The following SDCBP2 variants were observed in gnomAD, a reference collection of about 807,000 sequenced individuals.
SDCBP2 encodes the protein syndecan binding protein 2.
In SDCBP2, 28 loss-of-function variants were observed where a neutral mutation model predicts 30.7. The ratio of observed to expected loss-of-function variants is 0.91; its 90% CI spans 0.68 to 1.25. The LOEUF (loss-of-function observed/expected upper bound fraction) is 1.25, where lower values mean the gene tolerates loss of function less well. SDCBP2 is among the 50% of genes most tolerant of loss of function. SDCBP2 has a pLI of 0.00. For synonymous variants in SDCBP2, 166 were observed against 157.3 expected (o/e 1.06, Z -0.41); for missense variants, 399 against 379.0 (o/e 1.05, Z -0.44).
chr20:1,312,743 A>C lies in SDCBP2; in HGVS notation c.404T>G (p.Val135Gly). 1.2e-6 allele frequency: 2 copies of C among 1,612,972 alleles called. No individual in the cohort carries two copies. Among genetic ancestry groups the C allele is most frequent in the Non-Finnish European group, 1.7e-6 (2 of 1,179,634 alleles). ...AAGGGATGCAGGGGTGTTGGCCTGGACCAACTGCACAAAGAGCCCCTGGGG... is the reference window on the plus strand; with the variant it reads ...AAGGGATGCAGGGGTGTTGGCCTGGCCCAACTGCACAAAGAGCCCCTGGGG... ...KVDQGLFVQLVQANTPASLVG... is the reference protein window; with the variant it reads ...KVDQGLFVQLGQANTPASLVG... The change falls in exon 6 of 9, where the codon GTC becomes GGC. Residue 135 changes from valine to glycine, a missense_variant. Val to Gly is a moderately radical substitution (Grantham distance 109, BLOSUM62 -3). Coordinates refer to ENST00000360779, the MANE Select transcript of SDCBP2 (RefSeq NM_080489.5).
At chr20:1,314,642 C>T (rs2088749297) in intron 4 of SDCBP2, among the ~76,000 whole-genome samples, 1 of 149,050 alleles carries the variant, frequency 6.7e-6, no homozygotes, top group East Asian at 2.0e-4. Flanking sequence ...CCTGTAATCC[C>T]AGCATTTTGG....
intron 7 of SDCBP2, chr20:1,311,137 C>T: frequency 4.5e-6 from 2 of 445,186 alleles, no homozygotes; most frequent in Non-Finnish European, 4.0e-6. Context: ...ATGAGCATGC[C>T]TCTTCCCACC....
Position 1,310,882 on chromosome 20 carries a change from T to C in SDCBP2, c.742A>G (p.Ile248Val), listed in dbSNP as rs760254645. Residue 248 changes from isoleucine (I) to valine (V), a missense_variant, in exon 8 of 9, where the codon ATC becomes GTC. Physicochemically the swap from Ile to Val is conservative, Grantham distance 29. Transcript: ENST00000360779. ...CCAGCCGTGGCCAGAATCTCCATGA[T>C]CTTTTTGTCCTAGGGAGGAGGCAAG... ...QNVIGLKDKK[I>V]MEILATAGNV... The C allele has an allele frequency of 9.3e-6, 15 of 1,613,762 alleles. No homozygotes were observed. In the Admixed American group the frequency reaches 2.2e-4, roughly 23 times the overall value.
chr20:1,327,059 G>A (rs1188092800), intron 1 of SDCBP2, among the ~76,000 whole-genome samples: 1 of 152,184 alleles, frequency 6.6e-6, no homozygotes. Flanking sequence ...TCTGACAGTG[G>A]AAGTTTGCTC....
Position 1,313,633 on chromosome 20 carries a change from T to C in SDCBP2, c.226-135A>G. The C allele has an allele frequency of 7.1e-7, 1 of 1,415,606 alleles. No homozygotes were observed. Among genetic ancestry groups the C allele is most frequent in the Non-Finnish European group, 9.2e-7 (1 of 1,087,724 alleles). The allele number at this position is 1,415,606 out of a possible 1,614,324, so 87.7% of individuals were successfully genotyped here. A position where few individuals can be genotyped will look rare whatever the true frequency, so the allele number is the denominator to read the frequency against. ...GTCCCCCCACGTCCCCAGTCCACGCTTCTCCCCTAGGGGCGAGAGGAGACG... is the reference window on the plus strand; with the variant it reads ...GTCCCCCCACGTCCCCAGTCCACGCCTCTCCCCTAGGGGCGAGAGGAGACG... On this transcript the variant is annotated intron_variant, in intron 4 of 8. Coordinates refer to ENST00000360779, the MANE Select transcript of SDCBP2 (RefSeq NM_080489.5). The surrounding 1 kb of genome is among the most constrained non-coding windows in gnomAD (Gnocchi z 5.2).
intron 4 of SDCBP2, among the ~76,000 whole-genome samples, chr20:1,316,916 G>T (rs2088786006): frequency 6.6e-6 from 1 of 152,170 alleles, no homozygotes; most frequent in Non-Finnish European, 1.5e-5. Context: ...AAGAAGGAAT[G>T]AACTATTATT....
rs1298637493 is a variant in SDCBP2 at position 1,310,902 on chromosome 20, G to A, written c.733-11C>T. ...CATGATCTTTTTGTCCTAGGGAGGAGGCAAGTAAGCGATCACCCTAAGGAT... is the reference window on the plus strand; with the variant it reads ...CATGATCTTTTTGTCCTAGGGAGGAAGCAAGTAAGCGATCACCCTAAGGAT... On this transcript the variant is annotated splice_polypyrimidine_tract_variant and intron_variant, in intron 7 of 8. Transcript: ENST00000360779. 6.2e-7 allele frequency: 1 copy of A among 1,608,494 alleles called. No individual in the cohort carries two copies. The highest frequency in any genetic ancestry group is 8.5e-7 in the Non-Finnish European group (1 of 1,175,396).
At position 1,313,410 on chromosome 20, in the gene SDCBP2, C is replaced by G. The variant is rs148177644; in HGVS notation, c.314G>C (p.Gly105Ala). 169 of 1,608,284 alleles carry G rather than the reference C, an allele frequency of 1.1e-4. No homozygotes were observed. In the Admixed American group the frequency reaches 1.5e-3, roughly 15 times the overall value. Residue 105 changes from glycine (G) to alanine (A), a missense_variant, in exon 5 of 9, where the codon GGG becomes GCG. Coordinates refer to ENST00000360779, the MANE Select transcript of SDCBP2 (RefSeq NM_080489.5). This position sits in a 1 kb window ranked among gnomAD's most constrained non-coding sequence, Gnocchi z 5.2. ...CTTGCACAGGTGGATCTCGCGCACCCCGGGCTTGATCTCAGCTCGCCGCAC... is the reference window on the plus strand; with the variant it reads ...CTTGCACAGGTGGATCTCGCGCACCGCGGGCTTGATCTCAGCTCGCCGCAC... ...LGVRRAEIKP[G>A]VREIHLCKDE...
chr20:1,318,814 C>T (rs1403622794), intron 3 of SDCBP2, among the ~76,000 whole-genome samples: 1 of 152,084 alleles, frequency 6.6e-6, no homozygotes, highest in African/African-American at 2.4e-5. Context: ...CTCGTGTTCT[C>T]GTTTTCTCTC....
chr20:1,312,689 AG>A lies in SDCBP2; in HGVS notation c.457del (p.Leu153CysfsTer20). 1.2e-6 allele frequency: 2 copies of A among 1,614,122 alleles called. No homozygotes were observed. The highest frequency in any genetic ancestry group is 1.1e-5 in the South Asian group (1 of 91,084). On this transcript the variant is annotated frameshift_variant, in exon 6 of 9. Coordinates refer to ENST00000360779, the MANE Select transcript of SDCBP2 (RefSeq NM_080489.5). LOFTEE classifies it high-confidence loss of function. ...LVGLRFGDQL[L>X]QIDGRDCAGW... is the part of the protein sequence containing the mutation. ...AGCACAGTCACGCCCGTCAATCTGC[AG>A]GAGCTGGTCCCCAAAGCGCAGCCCC...
intron 3 of SDCBP2, 146 bp downstream of exon 3, chr20:1,319,444 G>A (rs902590582): frequency 1.2e-6 from 1 of 837,698 alleles, no homozygotes; most frequent in African/African-American, 1.7e-5. Flanking sequence ...GAGGTGGGTG[G>A]CAACTGGAAG....
rs991528232 is a variant in SDCBP2 at position 1,320,999 on chromosome 20, C to G, written c.-19-564G>C. 6.6e-5 allele frequency: 10 copies of G among 152,466 alleles called. No homozygotes were observed. The highest frequency in any genetic ancestry group is 2.4e-4 in the African/African-American group (10 of 41,440). The allele number at this position is 152,466 out of a possible 1,614,324, so 9.4% of individuals were successfully genotyped here. ...GTCACACCTCCAGGCTTCGCTGAGG[C>G]AGTCCACTCCAACTGGAGCCCCTGC... On this transcript the variant is annotated intron_variant, in intron 1 of 8. Coordinates refer to ENST00000360779, the MANE Select transcript of SDCBP2 (RefSeq NM_080489.5). The surrounding 1 kb of genome is among the most constrained non-coding windows in gnomAD (Gnocchi z 4.7).
In SDCBP2 at chr20:1,322,434, T is replaced by C. The variant is rs560144533; in HGVS notation, c.-19-1999A>G. ...CCTAGCATGGAGGCTAGCTCAATAA[T>C]ATTGCCAGAAGCAACACATTCTACC... On this transcript the variant is annotated intron_variant, in intron 1 of 8. Transcript: ENST00000360779. 3 of 152,338 alleles carry C rather than the reference T, an allele frequency of 2.0e-5. No individual in the cohort carries two copies. The East Asian group carries it at 5.8e-4, about 29-fold the overall frequency. The allele number at this position is 152,338 out of a possible 1,614,324, so 9.4% of individuals were successfully genotyped here. A position where few individuals can be genotyped will look rare whatever the true frequency, so the allele number is the denominator to read the frequency against.
intron 4 of SDCBP2, chr20:1,317,777 A>G: frequency 4.2e-6 from 1 of 239,624 alleles, no homozygotes; most frequent in Non-Finnish European, 8.3e-6. Flanking sequence ...GCCTGGCAGG[A>G]AGACTGACAG....
At position 1,321,969 on chromosome 20, in the gene SDCBP2, AC is replaced by A. The variant is rs2088855789; in HGVS notation, c.-19-1535del. 6.6e-6 allele frequency: 1 copy of A among 152,202 alleles called. No homozygotes were observed. The highest frequency in any genetic ancestry group is 2.4e-5 in the African/African-American group (1 of 41,442). The allele number at this position is 152,202 out of a possible 1,614,324, so 9.4% of individuals were successfully genotyped here. A position where few individuals can be genotyped will look rare whatever the true frequency, so the allele number is the denominator to read the frequency against. Reference sequence around the variant, plus strand: ...AGTCCACCATCCTCTATTGGCTGTTACACCCAGACCATTGTACTCACTGGTG... The same window carrying A: ...AGTCCACCATCCTCTATTGGCTGTTAACCCAGACCATTGTACTCACTGGTG... On this transcript the variant is annotated intron_variant, in intron 1 of 8. Transcript: ENST00000360779. The surrounding 1 kb of genome is among the most constrained non-coding windows in gnomAD (Gnocchi z 5.2).
chr20:1,312,759 G>C lies in SDCBP2; in HGVS notation c.388C>G (p.Leu130Val). The change falls in exon 6 of 9, where the codon CTC (leucine) becomes GTC (valine). Residue 130 changes from leucine to valine, a missense_variant. Leu to Val is a conservative substitution (Grantham distance 32, BLOSUM62 1). Coordinates refer to ENST00000360779, the MANE Select transcript of SDCBP2 (RefSeq NM_080489.5). ...TTGGCCTGGACCAACTGCACAAAGAGCCCCTGGGGGAGGCAGGGCCCCAGA... is the reference window on the plus strand; with the variant it reads ...TTGGCCTGGACCAACTGCACAAAGACCCCCTGGGGGAGGCAGGGCCCCAGA... Reference protein sequence around the residue: ...GLRLRKVDQGLFVQLVQANTP... With the variant: ...GLRLRKVDQGVFVQLVQANTP... 6.2e-7 allele frequency: 1 copy of C among 1,609,426 alleles called. No individual in the cohort carries two copies. Among genetic ancestry groups the C allele is most frequent in the Non-Finnish European group, 8.5e-7 (1 of 1,177,680 alleles).
chr20:1,317,137 G>T (rs1229373436), intron 4 of SDCBP2, among the ~76,000 whole-genome samples: 1 of 152,170 alleles, frequency 6.6e-6, no homozygotes, highest in Non-Finnish European at 1.5e-5. Context: ...GGAGGGAGGT[G>T]GTTGTGGTGA....
chr20:1,321,943 C>T lies in SDCBP2; in HGVS notation c.-19-1508G>A, dbSNP rs891746244. The stretch of plus-strand genomic sequence containing the variant: ...AGTAGCAGCAGACTCCAGGGTGACC[C>T]AGTCCACCATCCTCTATTGGCTGTT... On this transcript the variant is annotated intron_variant, in intron 1 of 8. Coordinates refer to ENST00000360779, the MANE Select transcript of SDCBP2 (RefSeq NM_080489.5). The surrounding 1 kb of genome is among the most constrained non-coding windows in gnomAD (Gnocchi z 5.2). The T allele has an allele frequency of 4.6e-5, 7 of 152,198 alleles. No homozygotes were observed. The highest frequency in any genetic ancestry group is 1.7e-4 in the African/African-American group (7 of 41,440). 9.4% of individuals were successfully genotyped at this position (152,198 alleles called of 1,614,324 possible).
rs893753675 is a variant in SDCBP2 at position 1,324,835 on chromosome 20, G to A, written c.-20+4250C>T. On this transcript the variant is annotated intron_variant, in intron 1 of 8. Transcript: ENST00000360779. The surrounding 1 kb of genome is among the most constrained non-coding windows in gnomAD (Gnocchi z 4.7). ...TCAAGATGTCAGATATAAACTGTTG[G>A]CAAAATTCAGCTGAATATTGTCTTC... Among the ~76,000 whole-genome samples, 1 of 152,172 alleles carries A rather than the reference G, an allele frequency of 6.6e-6. No homozygotes were observed. Among genetic ancestry groups the A allele is most frequent in the Non-Finnish European group, 1.5e-5 (1 of 68,032 alleles).
Sources: gnomAD v4.1 joint callset for allele counts (sites outside exome capture counted in the v4.1 genomes callset) on GRCh38, gnomAD v4.1.1 for gene constraint, Gnocchi (gnomAD v3.1) non-coding constraint, MANE v1.5 for transcripts, NCBI Gene and HGNC (gene_info 2026-07-23, HGNC 2026-07-21) for gene names.